AP2A2: variants seen among roughly 807,000 people sequenced by gnomAD.
The protein encoded by AP2A2 is adaptor related protein complex 2 subunit alpha 2.
AP2A2 carries 32 observed loss-of-function variants against 104.2 expected under a neutral mutation model. The observed-to-expected ratio is 0.31, with a 90% CI of 0.23 to 0.41. AP2A2 has a LOEUF of 0.41. Among genes scored for constraint, AP2A2 ranks in the 10% least tolerant of loss-of-function variants. AP2A2 has a pLI of 1.00. For synonymous variants in AP2A2, 539 were observed against 533.3 expected, an observed-to-expected ratio of 1.01 and a Z score of -0.15; for missense variants, 912 against 1,261.0, an observed-to-expected ratio of 0.72 and a Z score of 4.19.
At chr11:986,206 A>T (rs890388385) in intron 8 of AP2A2, among the ~76,000 whole-genome samples, 2 of 152,220 alleles carry the variant, frequency 1.3e-5, no homozygotes, top group African/African-American at 4.8e-5. Context: ...CTGTGGGCAG[A>T]CGCTCTCTAC....
At chr11:981,996 G>C (rs1310462323) in intron 6 of AP2A2, among the ~76,000 whole-genome samples, 2 of 152,270 alleles carry the variant, frequency 1.3e-5, no homozygotes, top group East Asian at 1.9e-4. Flanking sequence ...CACGCGTAGT[G>C]CTAGTCTCTT....
At position 1,009,013 on chromosome 11, in the gene AP2A2, C is replaced by T. The variant is rs552291344; in HGVS notation, c.2421-87C>T. 165 of 1,110,724 alleles carry T rather than the reference C, an allele frequency of 1.5e-4. 1 individual carries two copies. Among genetic ancestry groups the T allele is most frequent in the Non-Finnish European group, 1.9e-4 (146 of 762,888 alleles). 68.8% of individuals were successfully genotyped at this position (1,110,724 alleles called of 1,614,324 possible). ...TCTGGTGGGTGGCAGTAGATCGGGACGCTTCTCACTCCAGGCTCTTTCCCG... is the reference window on the plus strand; with the variant it reads ...TCTGGTGGGTGGCAGTAGATCGGGATGCTTCTCACTCCAGGCTCTTTCCCG... On this transcript the variant is annotated intron_variant, in intron 18 of 21. Transcript: ENST00000448903.
In AP2A2 at chr11:1,003,816, A is replaced by C. The variant is rs1413872947; in HGVS notation, c.2206+12A>C. 6.5e-7 allele frequency: 1 copy of C among 1,548,080 alleles called. No homozygotes were observed. The highest frequency in any genetic ancestry group is 1.4e-5 in the African/African-American group (1 of 73,080). ...TCGGCAGAATTTAGGTATGTGTTTT[A>C]ATTACTTAATGAAACTGTCTCTTAG... is the stretch of plus-strand genomic sequence containing the variant. On this transcript the variant is annotated intron_variant, in intron 16 of 21. Transcript: ENST00000448903.
Position 958,509 on chromosome 11 carries a change from A to G in AP2A2, c.68-928A>G, listed in dbSNP as rs571995846. On this transcript the variant is annotated intron_variant, in intron 1 of 21. Coordinates refer to ENST00000448903, the MANE Select transcript of AP2A2 (RefSeq NM_012305.4). Reference sequence around the variant, plus strand: ...GTATTTTGATTGCCATTGGGGATGGATAAGCCAAAAAGAAAGACTATTTTA... The same window carrying G: ...GTATTTTGATTGCCATTGGGGATGGGTAAGCCAAAAAGAAAGACTATTTTA... Among the ~76,000 whole-genome samples, 178 of 152,360 alleles carry G rather than the reference A, an allele frequency of 1.2e-3. 1 individual carries two copies. The highest frequency in any genetic ancestry group is 0.011 in the South Asian group (55 of 4,822).
intron 1 of AP2A2, chr11:933,469 G>A (rs532339597): frequency 1.6e-4 from 70 of 450,702 alleles, no homozygotes; most frequent in African/African-American, 2.4e-4. Flanking sequence ...GAGAATTTCC[G>A]GGTGGGTGGG....
At chr11:981,792 A>G (rs1037757284) in intron 6 of AP2A2, among the ~76,000 whole-genome samples, 2 of 152,262 alleles carry the variant, frequency 1.3e-5, no homozygotes, top group Non-Finnish European at 2.9e-5. Flanking sequence ...CCTGTTGAAC[A>G]CTTAGCTCCT....
intron 1 of AP2A2, among the ~76,000 whole-genome samples, chr11:941,749 G>A (rs1312440617): frequency 2.0e-5 from 3 of 151,318 alleles, no homozygotes; most frequent in Admixed American, 6.6e-5. Context: ...CACCACGCCC[G>A]GCTAATTTTT....
intron 1 of AP2A2, among the ~76,000 whole-genome samples, chr11:945,716 C>G (rs887633256): frequency 2.0e-5 from 3 of 151,998 alleles, no homozygotes; most frequent in Non-Finnish European, 4.4e-5. Flanking sequence ...TTTGGGAGGC[C>G]AAAACTGGAG....
rs560149619 is a variant in AP2A2, at chr11:993,507, G to A, written c.1550+126G>A. 870 of 734,818 alleles carry A rather than the reference G, an allele frequency of 1.2e-3. 10 individuals are homozygous for A. The highest frequency in any genetic ancestry group is 4.6e-4 in the East Asian group (16 of 34,964). The allele number at this position is 734,818 out of a possible 1,614,324, so 45.5% of individuals were successfully genotyped here. ...CGCAGAGCCGCTTCTGCTCCCCATC[G>A]GCGTCTTTTTGTTTTCCTTCAGTTG... On this transcript the variant is annotated intron_variant, in intron 12 of 21. Coordinates refer to ENST00000448903, the MANE Select transcript of AP2A2 (RefSeq NM_012305.4). The surrounding 1 kb of genome is among the most constrained non-coding windows in gnomAD (Gnocchi z 8.2).
In AP2A2 at chr11:925,903, G is replaced by A; in HGVS notation, c.-119G>A. 1.3e-6 allele frequency: 1 copy of A among 742,432 alleles called. No individual in the cohort carries two copies. The highest frequency in any genetic ancestry group is 3.6e-5 in the South Asian group (1 of 27,866). The allele number at this position is 742,432 out of a possible 1,614,324, so 46.0% of individuals were successfully genotyped here. On this transcript the variant is annotated 5_prime_UTR_variant, in exon 1 of 22. Transcript: ENST00000448903. The stretch of plus-strand genomic sequence containing the variant: ...GCGCTGGGACCCTGAGGCGGCCGTG[G>A]TTAGGCGGCTCCCCGGCGGCTCCTC...
intron 1 of AP2A2, among the ~76,000 whole-genome samples, chr11:941,988 G>A (rs999701640): frequency 2.6e-5 from 4 of 151,698 alleles, no homozygotes; most frequent in Non-Finnish European, 4.4e-5. Flanking sequence ...GTGCAGTAGC[G>A]TGATCTTGGC....
In AP2A2 at chr11:994,293, C is replaced by A. The variant is rs1404492388; in HGVS notation, c.1956+48C>A. The A allele has an allele frequency of 1.9e-6, 3 of 1,599,006 alleles. No individual in the cohort carries two copies. The African/African-American group carries it at 4.0e-5, about 21-fold the overall frequency. ...ACCCAGACCTGTCAGGGCCTCACCC[C>A]CAAGACTTGGGACCAGCAGAGCATT... On this transcript the variant is annotated intron_variant, in intron 14 of 21. Transcript: ENST00000448903.
intron 10 of AP2A2, among the ~76,000 whole-genome samples, chr11:990,564 A>G (rs2133729682): frequency 6.6e-6 from 1 of 152,288 alleles, no homozygotes; most frequent in African/African-American, 2.4e-5. Context: ...CTGCGTGATG[A>G]GCGGCAATCC....
chr11:986,418 G>A (rs190938309), intron 8 of AP2A2, among the ~76,000 whole-genome samples: 3 of 152,286 alleles, frequency 2.0e-5, no homozygotes, highest in East Asian at 1.9e-4. Context: ...CGGCCTTCTC[G>A]GCCTTCTCCC....
chr11:1,001,266 C>T (rs1856022474), intron 15 of AP2A2: 1 of 152,866 alleles, frequency 6.5e-6, no homozygotes, highest in Non-Finnish European at 1.5e-5. Flanking sequence ...CACGTGCTCT[C>T]CCCAGCCCTC....
In AP2A2 at chr11:988,632, C is replaced by G. The variant is rs374078818; in HGVS notation, c.1212C>G (p.Ile404Met). ...GCGACCGCAGCAACGCCCCACAGAT[C>G]GTGGCCGAGATGCTGAGCTATCTGG... ...AMCDRSNAPQ[I>M]VAEMLSYLET... is the part of the protein sequence containing the mutation. The change falls in exon 10 of 22, where the codon ATC (isoleucine) becomes ATG (methionine). Residue 404 changes from isoleucine to methionine, a missense_variant. Around this residue, in one of 7 missense-constraint regions of AP2A2, gnomAD observed 350 missense variants for 487.0 expected, o/e 0.72. Coordinates refer to ENST00000448903, the MANE Select transcript of AP2A2 (RefSeq NM_012305.4). 1 of 1,613,548 alleles carries G rather than the reference C, an allele frequency of 6.2e-7. No individual in the cohort carries two copies.
At chr11:939,475 C>T (rs1014054696) in intron 1 of AP2A2, among the ~76,000 whole-genome samples, 7 of 151,858 alleles carry the variant, frequency 4.6e-5, no homozygotes, top group South Asian at 2.1e-4. Context: ...GACGGGGTTT[C>T]GCTCTGTTGC....
chr11:1,000,372 G>T, intron 14 of AP2A2, 60 bp from the exon 15 acceptor site: 1 of 1,521,446 alleles, frequency 6.6e-7, no homozygotes, highest in Non-Finnish European at 8.8e-7. Flanking sequence ...GGCGTGAGCT[G>T]CCTGGGGTTG....
chr11:993,683 C>T lies in AP2A2; in HGVS notation c.1551-71C>T, dbSNP rs991371745. 16 of 1,247,328 alleles carry T rather than the reference C, an allele frequency of 1.3e-5. No individual in the cohort carries two copies. Among genetic ancestry groups the T allele is most frequent in the Non-Finnish European group, 1.8e-5 (16 of 896,148 alleles). 77.3% of individuals were successfully genotyped at this position (1,247,328 alleles called of 1,614,324 possible). On this transcript the variant is annotated intron_variant, in intron 12 of 21. Coordinates refer to ENST00000448903, the MANE Select transcript of AP2A2 (RefSeq NM_012305.4). The surrounding 1 kb of genome is among the most constrained non-coding windows in gnomAD (Gnocchi z 8.2). ...GGCCAGGGGGTCTCGCCGCCGTCCC[C>T]CCCCCGCGGGGGCGTGCTGCAGCCT...
Sources: allele counts gnomAD v4.1 joint callset (sites outside exome capture counted in the v4.1 genomes callset), GRCh38; gene constraint gnomAD v4.1.1; regional missense constraint gnomAD v4.1.1; non-coding constraint Gnocchi (gnomAD v3.1); transcripts MANE v1.5; gene names NCBI Gene and HGNC (gene_info 2026-07-23, HGNC 2026-07-21).